The following DIP2C variants were observed in gnomAD, a reference collection of about 807,000 sequenced individuals.
DIP2C encodes the protein disco-interacting protein 2 homolog C.
A neutral mutation model predicts 192.4 loss-of-function variants in DIP2C; 33 were observed. The observed-to-expected ratio is 0.17, with a 90% CI of 0.13 to 0.23. DIP2C has a LOEUF of 0.23. DIP2C is among the 10% of genes least tolerant of loss of function. DIP2C has a pLI of 1.00. For synonymous variants in DIP2C, 979 were observed against 864.1 expected, an observed-to-expected ratio of 1.13 and a Z score of -2.33; for missense variants, 1,537 against 2,110.1, an observed-to-expected ratio of 0.73 and a Z score of 5.32.
intron 10 of DIP2C, among the ~76,000 whole-genome samples, chr10:393,103 A>G (rs768536824): frequency 3.9e-5 from 6 of 152,060 alleles, no homozygotes; most frequent in Non-Finnish European, 5.9e-5. Flanking sequence ...CGTCGGCCTC[A>G]GTCTGGCTGG....
At chr10:595,386 C>T (rs561985578) in intron 1 of DIP2C, among the ~76,000 whole-genome samples, 1 of 152,250 alleles carries the variant, frequency 6.6e-6, no homozygotes, top group Non-Finnish European at 1.5e-5. Flanking sequence ...TATGGTTCAA[C>T]TGAATAAAAT....
At chr10:496,867 G>A (rs973397698) in intron 1 of DIP2C, among the ~76,000 whole-genome samples, 3 of 152,318 alleles carry the variant, frequency 2.0e-5, no homozygotes, top group Admixed American at 6.5e-5. Context: ...GCTCACACCC[G>A]TAATCCCAGC....
At chr10:491,178 A>G (rs1250747873) in intron 1 of DIP2C, among the ~76,000 whole-genome samples, 1 of 152,208 alleles carries the variant, frequency 6.6e-6, no homozygotes, top group South Asian at 2.1e-4. Flanking sequence ...AGACACGGAC[A>G]CTTGGGAGCC....
At chr10:355,247 A>T (rs978099989) in intron 24 of DIP2C, among the ~76,000 whole-genome samples, 1 of 152,230 alleles carries the variant, frequency 6.6e-6, no homozygotes, top group African/African-American at 2.4e-5. Context: ...GTGAACGACC[A>T]ATGGCTGGGA....
At chr10:420,240 G>C (rs933762499) in intron 5 of DIP2C, among the ~76,000 whole-genome samples, 1 of 152,256 alleles carries the variant, frequency 6.6e-6, no homozygotes, top group African/African-American at 2.4e-5. Context: ...GGACACAGAA[G>C]ATCGAGGCAC....
intron 31 of DIP2C, among the ~76,000 whole-genome samples, chr10:316,837 T>C (rs192954209): frequency 6.6e-6 from 1 of 152,314 alleles, no homozygotes; most frequent in East Asian, 1.9e-4. Flanking sequence ...TTCAGAAACT[T>C]TTTGCTTTAT....
At chr10:365,870 T>C (rs919144679) in intron 19 of DIP2C, among the ~76,000 whole-genome samples, 20 of 152,242 alleles carry the variant, frequency 1.3e-4, no homozygotes, top group Admixed American at 1.2e-3. Flanking sequence ...GTAAAGGGGC[T>C]CTAGTTGGCT....
chr10:616,069 CCTT>C (rs1042874559), intron 1 of DIP2C, among the ~76,000 whole-genome samples: 13 of 152,260 alleles, frequency 8.5e-5, no homozygotes, highest in African/African-American at 3.1e-4. Context: ...CAGATCTCCT[CCTT>C]GAGTGTAATG....
chr10:441,075 C>G, intron 3 of DIP2C, 79 bp from the exon 4 acceptor site: 2 of 1,478,742 alleles, frequency 1.4e-6, no homozygotes, highest in Non-Finnish European at 1.8e-6. Flanking sequence ...TCTGTCCCTG[C>G]AGCACAGTTC....
At chr10:605,085 T>C (rs557650453) in intron 1 of DIP2C, among the ~76,000 whole-genome samples, 4 of 152,354 alleles carry the variant, frequency 2.6e-5, no homozygotes, top group African/African-American at 2.4e-5. Context: ...GTCAGCATCA[T>C]GCGTGCCTGA....
At chr10:576,930 A>AG (rs200618991) in intron 1 of DIP2C, among the ~76,000 whole-genome samples, 4 of 151,926 alleles carry the variant, frequency 2.6e-5, no homozygotes, top group African/African-American at 9.7e-5. Context: ...AAAAAAAAAA[A>AG]TAAGAGGGCA....
chr10:611,720 C>A (rs1005579502), intron 1 of DIP2C, among the ~76,000 whole-genome samples: 2 of 152,222 alleles, frequency 1.3e-5, no homozygotes, highest in African/African-American at 2.4e-5. Context: ...CTAAGGCACA[C>A]ACGTAGGAAA....
At chr10:340,341 A>G (rs538347150) in intron 29 of DIP2C, among the ~76,000 whole-genome samples, 67 of 152,240 alleles carry the variant, frequency 4.4e-4, no homozygotes, top group South Asian at 2.9e-3. Context: ...TGTTAGCTTT[A>G]AAATACCCAT....
chr10:629,161 AG>A (rs1854364653), intron 1 of DIP2C, among the ~76,000 whole-genome samples: 1 of 152,206 alleles, frequency 6.6e-6, no homozygotes, highest in Non-Finnish European at 1.5e-5. Context: ...CACAGACGGA[AG>A]GAACTGGCGG....
chr10:301,311 G>C (rs1956034174), intron 32 of DIP2C, among the ~76,000 whole-genome samples: 1 of 152,194 alleles, frequency 6.6e-6, no homozygotes, highest in African/African-American at 2.4e-5. Context: ...GCAGAGAAAC[G>C]ACTTCAGAGA....
chr10:329,047 T>G (rs1462919859), intron 30 of DIP2C, among the ~76,000 whole-genome samples: 1 of 152,164 alleles, frequency 6.6e-6, no homozygotes, highest in East Asian at 1.9e-4. Flanking sequence ...AAAATAAAAG[T>G]GAGCGGCTAA....
At chr10:644,629 A>C (rs183956871) in intron 1 of DIP2C, among the ~76,000 whole-genome samples, 1 of 152,352 alleles carries the variant, frequency 6.6e-6, no homozygotes, top group East Asian at 1.9e-4. Context: ...TCAAAAGTAC[A>C]CACAGAGGCA....
intron 1 of DIP2C, among the ~76,000 whole-genome samples, chr10:676,121 A>T (rs1006699108): frequency 6.6e-6 from 1 of 152,222 alleles, no homozygotes; most frequent in African/African-American, 2.4e-5. Flanking sequence ...ACAAACCAAT[A>T]AACACGCTAC....
intron 1 of DIP2C, among the ~76,000 whole-genome samples, chr10:524,025 G>A (rs1394927705): frequency 6.6e-6 from 1 of 152,176 alleles, no homozygotes; most frequent in South Asian, 2.1e-4. Flanking sequence ...GCACTCCCAG[G>A]AGGCCGTGCA....
Sources: allele counts gnomAD v4.1 joint callset (sites outside exome capture counted in the v4.1 genomes callset), GRCh38; gene constraint gnomAD v4.1.1; transcripts MANE v1.5; gene names NCBI Gene and HGNC (gene_info 2026-07-23, HGNC 2026-07-21).